The following MSRA variants were observed in gnomAD, a reference collection of about 807,000 sequenced individuals.
The protein encoded by MSRA is mitochondrial peptide methionine sulfoxide reductase.
In MSRA, 54 loss-of-function variants were observed where a neutral mutation model predicts 31.3. The ratio of observed to expected loss-of-function variants is 1.73; its 90% CI spans 1.39 to 2.17. The LOEUF (loss-of-function observed/expected upper bound fraction) is 2.17, where lower values mean the gene tolerates loss of function less well. Ranked by LOEUF, MSRA falls within the 30% of genes most tolerant of loss-of-function variation. The pLI is 0.00. For synonymous variants in MSRA, 169 were observed against 116.5 expected (o/e 1.45, Z -2.90); for missense variants, 507 against 300.9 (o/e 1.69, Z -5.07).
intron 1 of MSRA, among the ~76,000 whole-genome samples, chr8:10,164,459 G>T (rs1198827436): frequency 6.6e-6 from 1 of 152,124 alleles, no homozygotes; most frequent in African/African-American, 2.4e-5. Flanking sequence ...GAGCTTTTTA[G>T]AAGTTTTAGG....
At chr8:10,154,373 TC>T (rs1057416834) in intron 1 of MSRA, among the ~76,000 whole-genome samples, 4 of 151,978 alleles carry the variant, frequency 2.6e-5, no homozygotes, top group South Asian at 2.1e-4. Context: ...GTTTTTTTTT[TC>T]TTTTCTTTCT....
intron 3 of MSRA, among the ~76,000 whole-genome samples, chr8:10,274,734 T>C (rs1326298858): frequency 6.6e-6 from 1 of 152,100 alleles, no homozygotes. Context: ...CTCATCCATC[T>C]GTACACCCAC....
intron 3 of MSRA, among the ~76,000 whole-genome samples, chr8:10,297,193 C>T (rs1800591610): frequency 6.6e-6 from 1 of 152,166 alleles, no homozygotes; most frequent in African/African-American, 2.4e-5. Flanking sequence ...TATGTCTCTT[C>T]TTGGATTGGA....
intron 3 of MSRA, among the ~76,000 whole-genome samples, chr8:10,270,834 C>CT (rs978156563): frequency 4.6e-5 from 7 of 152,310 alleles, no homozygotes; most frequent in African/African-American, 1.2e-4. Context: ...TGAAGCCAGG[C>CT]TGAAGGCACT....
chr8:10,409,353 C>T (rs1229891236), intron 5 of MSRA, among the ~76,000 whole-genome samples: 4 of 152,068 alleles, frequency 2.6e-5, no homozygotes, highest in Non-Finnish European at 4.4e-5. Context: ...TGCTTGTGGG[C>T]CGTTTGTTTT....
intron 1 of MSRA, among the ~76,000 whole-genome samples, chr8:10,204,089 A>G (rs571645511): frequency 4.9e-4 from 74 of 152,266 alleles, no homozygotes; most frequent in African/African-American, 1.7e-3. Flanking sequence ...TTTTAAAAAC[A>G]GGAAGAGCTT....
intron 3 of MSRA, among the ~76,000 whole-genome samples, chr8:10,284,875 C>G (rs186239073): frequency 2.6e-5 from 4 of 152,194 alleles, no homozygotes; most frequent in Admixed American, 2.6e-4. Flanking sequence ...TGTGCCTCAT[C>G]CAGAACAAGC....
intron 2 of MSRA, among the ~76,000 whole-genome samples, chr8:10,235,673 C>T (rs764794832): frequency 6.6e-6 from 1 of 152,100 alleles, no homozygotes; most frequent in Non-Finnish European, 1.5e-5. Flanking sequence ...AAAGCATCCC[C>T]TAATGATTCT....
At chr8:10,342,268 G>C (rs1202303608) in intron 5 of MSRA, among the ~76,000 whole-genome samples, 1 of 151,938 alleles carries the variant, frequency 6.6e-6, no homozygotes, top group Non-Finnish European at 1.5e-5. Context: ...AATTATTGAG[G>C]ACCCCAATGA....
chr8:10,169,198 C>A (rs1805396983), intron 1 of MSRA, among the ~76,000 whole-genome samples: 1 of 152,168 alleles, frequency 6.6e-6, no homozygotes, highest in South Asian at 2.1e-4. Flanking sequence ...ACTCCCTCAC[C>A]CCTTCATTGG....
intron 5 of MSRA, among the ~76,000 whole-genome samples, chr8:10,372,304 C>T (rs922065465): frequency 7.9e-5 from 12 of 152,162 alleles, no homozygotes; most frequent in African/African-American, 2.7e-4. Flanking sequence ...CCTCATTGAG[C>T]GGAAAGTGCT....
intron 1 of MSRA, among the ~76,000 whole-genome samples, chr8:10,117,247 G>A (rs1800751496): frequency 1.3e-5 from 2 of 152,178 alleles, no homozygotes; most frequent in Admixed American, 6.5e-5. Context: ...AAGTCACAAA[G>A]GATGGAACAT....
chr8:10,155,833 C>T (rs184101849), intron 1 of MSRA, among the ~76,000 whole-genome samples: 1 of 151,980 alleles, frequency 6.6e-6, no homozygotes, highest in Non-Finnish European at 1.5e-5. Context: ...TAGGAACATG[C>T]CAGATAACAA....
intron 1 of MSRA, among the ~76,000 whole-genome samples, 187 bp downstream of exon 1, chr8:10,054,845 C>G (rs1028339770): frequency 6.6e-6 from 1 of 152,206 alleles, no homozygotes. Context: ...CCACTGACGT[C>G]CCTTTGTCTT....
intron 1 of MSRA, among the ~76,000 whole-genome samples, chr8:10,176,970 G>A (rs931103126): frequency 2.0e-5 from 3 of 152,204 alleles, no homozygotes; most frequent in Admixed American, 6.5e-5. Flanking sequence ...GATGGGGGCT[G>A]TAACCTCACC....
chr8:10,087,371 T>C (rs1798615046), intron 1 of MSRA, among the ~76,000 whole-genome samples: 1 of 152,240 alleles, frequency 6.6e-6, no homozygotes, highest in South Asian at 2.1e-4. Context: ...CTGTCTGTCC[T>C]GAGCTCCATG....
intron 1 of MSRA, among the ~76,000 whole-genome samples, chr8:10,090,486 G>A (rs1383061383): frequency 6.6e-6 from 1 of 152,188 alleles, no homozygotes; most frequent in African/African-American, 2.4e-5. Flanking sequence ...ATCTTGGGTT[G>A]TAACAGCCGT....
rs530512863 is a variant in MSRA at position 10,340,651 on chromosome 8, G to A, written c.543+20662G>A. Among the ~76,000 whole-genome samples, 135 of 152,384 alleles carry A rather than the reference G, an allele frequency of 8.9e-4. 1 individual carries two copies. The highest frequency in any genetic ancestry group is 3.4e-3 in the Admixed American group (52 of 15,312). On this transcript the variant is annotated intron_variant, in intron 5 of 5. Coordinates refer to ENST00000317173, the MANE Select transcript of MSRA (RefSeq NM_012331.5). ...GCCTCCCAAAGTGCTGGGATTCCAGGCATGAGCCACTGTGTCCCGCCAGAT... is the reference window on the plus strand; with the variant it reads ...GCCTCCCAAAGTGCTGGGATTCCAGACATGAGCCACTGTGTCCCGCCAGAT...
At chr8:10,108,850 A>G (rs1800080315) in intron 1 of MSRA, among the ~76,000 whole-genome samples, 1 of 151,994 alleles carries the variant, frequency 6.6e-6, no homozygotes, top group Non-Finnish European at 1.5e-5. Flanking sequence ...TTTTACCTCA[A>G]CATAAAAGCA....
Sources: allele counts gnomAD v4.1 joint callset (sites outside exome capture counted in the v4.1 genomes callset), GRCh38; gene constraint gnomAD v4.1.1; transcripts MANE v1.5; gene names NCBI Gene and HGNC (gene_info 2026-07-23, HGNC 2026-07-21).